The following ACYP2 variants were observed in gnomAD, a reference collection of about 807,000 sequenced individuals.
ACYP2 encodes acylphosphatase-2.
ACYP2 carries 12 observed loss-of-function variants against 11.2 expected under a neutral mutation model. The observed-to-expected ratio is 1.08, with a 90% CI of 0.69 to 1.74. ACYP2 has a LOEUF of 1.74. Ranked by LOEUF, ACYP2 falls within the 40% of genes most tolerant of loss-of-function variation. The probability of loss-of-function intolerance (pLI) is 0.00; values close to 1 mark genes in which losing one functional copy is unlikely to be tolerated. For missense variants in ACYP2, 134 were observed against 101.9 expected, an observed-to-expected ratio of 1.31 and a Z score of -1.35; for synonymous variants, 43 against 32.2, an observed-to-expected ratio of 1.33 and a Z score of -1.13.
At chr2:54,072,370 A>G (rs1677087902) in intron 4 of ACYP2, among the ~76,000 whole-genome samples, 1 of 145,382 alleles carries the variant, frequency 6.9e-6, no homozygotes, top group African/African-American at 2.5e-5. Flanking sequence ...CAGTGGCATA[A>G]TCACAGTTCA....
chr2:53,996,294 A>C (rs1171012171), intron 2 of ACYP2, among the ~76,000 whole-genome samples: 4 of 152,180 alleles, frequency 2.6e-5, no homozygotes, highest in Non-Finnish European at 5.9e-5. Flanking sequence ...TAAAGTTGGA[A>C]GTGCAAGAAG....
intron 6 of ACYP2, among the ~76,000 whole-genome samples, chr2:54,250,125 C>T (rs1474886259): frequency 6.6e-6 from 1 of 151,980 alleles, no homozygotes; most frequent in Non-Finnish European, 1.5e-5. Context: ...CTACCTTTTC[C>T]ATCCTCATCT....
At chr2:54,187,285 C>A (rs1684053675) in intron 6 of ACYP2, among the ~76,000 whole-genome samples, 1 of 152,184 alleles carries the variant, frequency 6.6e-6, no homozygotes, top group Non-Finnish European at 1.5e-5. Context: ...CCCAGAGTTA[C>A]AAACCTCAGG....
chr2:54,045,615 GA>G (rs1558492124), intron 2 of ACYP2, among the ~76,000 whole-genome samples: 1 of 148,640 alleles, frequency 6.7e-6, no homozygotes, highest in Admixed American at 6.7e-5. Flanking sequence ...AGGAGATCGA[GA>G]CCATCCTGGC....
intron 4 of ACYP2, among the ~76,000 whole-genome samples, chr2:54,089,545 C>T (rs909536019): frequency 6.6e-6 from 1 of 151,740 alleles, no homozygotes; most frequent in African/African-American, 2.4e-5. Flanking sequence ...CGAGACCAGC[C>T]TGGGCAACAT....
intron 6 of ACYP2, among the ~76,000 whole-genome samples, chr2:54,188,493 ATAG>A (rs1684107286): frequency 6.6e-6 from 1 of 152,214 alleles, no homozygotes; most frequent in Admixed American, 6.5e-5. Context: ...TTCTAAAATG[ATAG>A]TAGTTATTAA....
At chr2:54,194,841 A>C (rs1383137172) in intron 6 of ACYP2, among the ~76,000 whole-genome samples, 1 of 152,148 alleles carries the variant, frequency 6.6e-6, no homozygotes, top group Non-Finnish European at 1.5e-5. Flanking sequence ...AATGCTATCC[A>C]CATAGTAGGC....
At chr2:54,279,800 A>G (rs114740672) in intron 6 of ACYP2, among the ~76,000 whole-genome samples, 1,723 of 152,280 alleles carry the variant, frequency 0.011, 38 homozygotes, top group African/African-American at 0.04. Flanking sequence ...TATTATACGG[A>G]ATTGTAATCA....
At chr2:54,278,461 A>G (rs1688709175) in intron 6 of ACYP2, among the ~76,000 whole-genome samples, 1 of 152,228 alleles carries the variant, frequency 6.6e-6, no homozygotes, top group Non-Finnish European at 1.5e-5. Context: ...TTGCACTGTG[A>G]CAATAGATTT....
chr2:54,295,224 C>T (rs1446002334), intron 6 of ACYP2, among the ~76,000 whole-genome samples: 4 of 152,072 alleles, frequency 2.6e-5, no homozygotes, highest in South Asian at 2.1e-4. Flanking sequence ...GGAATGGCAC[C>T]GATAAATGAA....
intron 6 of ACYP2, among the ~76,000 whole-genome samples, chr2:54,287,865 G>T (rs769014234): frequency 2.6e-5 from 4 of 152,046 alleles, no homozygotes; most frequent in East Asian, 3.9e-4. Flanking sequence ...TGGCTAAACA[G>T]TGTTTGTTAT....
intron 4 of ACYP2, among the ~76,000 whole-genome samples, chr2:54,112,704 A>G (rs953263048): frequency 2.6e-5 from 4 of 152,226 alleles, no homozygotes; most frequent in Admixed American, 6.5e-5. Context: ...CATTCATACT[A>G]TAATTACTTA....
chr2:54,247,433 C>A (rs1231739104), intron 6 of ACYP2, among the ~76,000 whole-genome samples: 1 of 152,192 alleles, frequency 6.6e-6, no homozygotes, highest in Non-Finnish European at 1.5e-5. Flanking sequence ...CTCATTGGAG[C>A]TGCTGAACAC....
At chr2:53,981,552 G>A (rs533007455) in intron 2 of ACYP2, among the ~76,000 whole-genome samples, 13 of 152,238 alleles carry the variant, frequency 8.5e-5, no homozygotes, top group South Asian at 2.1e-4. Context: ...GACTGGTTGC[G>A]GAAAGAAACC....
At chr2:54,051,590 G>A (rs1675870136) in intron 3 of ACYP2, 1 of 741,458 alleles carries the variant, frequency 1.3e-6, no homozygotes, top group Non-Finnish European at 2.5e-6. Flanking sequence ...GAAGAAACTA[G>A]GAGAGATGTG....
intron 4 of ACYP2, among the ~76,000 whole-genome samples, chr2:54,078,921 T>C (rs1419479339): frequency 1.3e-5 from 2 of 152,226 alleles, no homozygotes; most frequent in Non-Finnish European, 2.9e-5. Flanking sequence ...TAACTTATGA[T>C]GTCAAAAATT....
chr2:54,170,458 A>C (rs1368457862), intron 6 of ACYP2, among the ~76,000 whole-genome samples: 2 of 151,934 alleles, frequency 1.3e-5, no homozygotes, highest in East Asian at 3.9e-4. Flanking sequence ...TGGCCAGTTC[A>C]TTTCTTCTTT....
intron 4 of ACYP2, among the ~76,000 whole-genome samples, chr2:54,093,942 A>AAAAC (rs145012157): frequency 0.067 from 10,115 of 151,036 alleles, 559 homozygotes; most frequent in East Asian, 0.2. Context: ...TCTGTCTCAA[A>AAAAC]AAACAAACAA....
intron 6 of ACYP2, among the ~76,000 whole-genome samples, chr2:54,195,820 CAG>C (rs757646940): frequency 2.4e-3 from 60 of 24,810 alleles, no homozygotes; most frequent in Non-Finnish European, 3.9e-3. Flanking sequence ...TTTTTTGAGA[CAG>C]AGTTTTGTTC....
Sources: allele counts gnomAD v4.1 joint callset (sites outside exome capture counted in the v4.1 genomes callset), GRCh38; gene constraint gnomAD v4.1.1; transcripts MANE v1.5; gene names NCBI Gene and HGNC (gene_info 2026-07-23, HGNC 2026-07-21).